The following AFF3 variants were observed in gnomAD, a reference collection of about 807,000 sequenced individuals.
AFF3 encodes AF4/FMR2 family member 3.
Under a neutral mutation model 129.7 loss-of-function variants are expected in AFF3, and 32 were observed. The ratio of observed to expected loss-of-function variants is 0.25; its 90% confidence interval spans 0.19 to 0.33. The LOEUF (loss-of-function observed/expected upper bound fraction) is 0.33, where lower values mean the gene tolerates loss of function less well. AFF3 is among the 10% of genes least tolerant of loss of function. The pLI is 1.00. For missense variants in AFF3, 1,373 were observed against 1,592.0 expected, an observed-to-expected ratio of 0.86 and a Z score of 2.34; for synonymous variants, 644 against 635.4, an observed-to-expected ratio of 1.01 and a Z score of -0.20.
At chr2:100,036,670 T>C (rs940024869) in intron 4 of AFF3, among the ~76,000 whole-genome samples, 1 of 151,314 alleles carries the variant, frequency 6.6e-6, no homozygotes, top group Non-Finnish European at 1.5e-5. Context: ...GAAAAAGATA[T>C]GTGACATATA....
chr2:99,555,964 C>T (rs1379557216), intron 22 of AFF3, among the ~76,000 whole-genome samples: 1 of 152,210 alleles, frequency 6.6e-6, no homozygotes, highest in Non-Finnish European at 1.5e-5. Context: ...GGGAGCTTAT[C>T]CTCCCTTTCT....
At chr2:99,802,655 T>A (rs1220203715) in intron 8 of AFF3, among the ~76,000 whole-genome samples, 1 of 150,942 alleles carries the variant, frequency 6.6e-6, no homozygotes, top group Non-Finnish European at 1.5e-5. Flanking sequence ...AAAGTGAGAC[T>A]CTGTCTCTAA....
intron 14 of AFF3, among the ~76,000 whole-genome samples, chr2:99,599,176 G>A (rs75563969): frequency 0.017 from 2,588 of 152,296 alleles, 76 homozygotes; most frequent in African/African-American, 0.058. Flanking sequence ...TCATCACCCA[G>A]GAGTTCAAGT....
intron 4 of AFF3, among the ~76,000 whole-genome samples, chr2:100,042,232 G>T (rs947431793): frequency 6.6e-6 from 1 of 152,154 alleles, no homozygotes; most frequent in Non-Finnish European, 1.5e-5. Context: ...TTAACTCTCC[G>T]ATCTCAGGTC....
chr2:100,109,959 A>G (rs1288633893), intron 2 of AFF3: 1 of 152,194 alleles, frequency 6.6e-6, no homozygotes, highest in Non-Finnish European at 1.5e-5. Context: ...TGAAAGTAAT[A>G]CAGTCCCAGT....
At chr2:100,138,816 G>A (rs527261608) in intron 1 of AFF3, among the ~76,000 whole-genome samples, 8 of 151,488 alleles carry the variant, frequency 5.3e-5, no homozygotes, top group Non-Finnish European at 1.0e-4. Context: ...GTGACGGTGG[G>A]CGCCTGTAAT....
intron 7 of AFF3, among the ~76,000 whole-genome samples, chr2:99,841,017 A>G (rs1689281243): frequency 6.6e-6 from 1 of 152,200 alleles, no homozygotes; most frequent in Non-Finnish European, 1.5e-5. Flanking sequence ...TCTGTTTTCT[A>G]CCACAAAACA....
intron 7 of AFF3, among the ~76,000 whole-genome samples, chr2:99,957,183 G>A (rs1296385370): frequency 5.7e-5 from 6 of 105,370 alleles, no homozygotes; most frequent in African/African-American, 1.4e-4. Flanking sequence ...GTGTGTGTGC[G>A]TGTGTGTGTG....
chr2:99,814,853 C>CT (rs34474594), intron 8 of AFF3, among the ~76,000 whole-genome samples: 86,708 of 143,526 alleles, frequency 0.6, 27,532 homozygotes, highest in South Asian at 0.78. Flanking sequence ...TTTAATTATA[C>CT]TTTTTTTTTT....
intron 8 of AFF3, among the ~76,000 whole-genome samples, chr2:99,771,947 GTATTGGAAACCATAAA>G (rs1683522113): frequency 1.3e-5 from 2 of 152,160 alleles, no homozygotes; most frequent in Non-Finnish European, 2.9e-5. Context: ...AGAAGTTACT[GTATTGGAAACCATAAA>G]TATGTCATTT....
At chr2:99,783,778 G>C (rs1684578999) in intron 8 of AFF3, among the ~76,000 whole-genome samples, 1 of 152,182 alleles carries the variant, frequency 6.6e-6, no homozygotes, top group Non-Finnish European at 1.5e-5. Flanking sequence ...TATATATCCA[G>C]CCACTTTTCT....
intron 7 of AFF3, among the ~76,000 whole-genome samples, chr2:99,995,085 G>C (rs972392976): frequency 1.3e-5 from 2 of 151,986 alleles, no homozygotes; most frequent in African/African-American, 4.8e-5. Flanking sequence ...AGAAAGGAAG[G>C]GGCACTTTGG....
intron 4 of AFF3, among the ~76,000 whole-genome samples, chr2:100,042,083 C>A (rs1685478847): frequency 6.6e-6 from 1 of 152,176 alleles, no homozygotes; most frequent in African/African-American, 2.4e-5. Flanking sequence ...CCCGGCCCGG[C>A]CCCACCATCA....
intron 18 of AFF3, 80 bp from the exon 19 acceptor site, chr2:99,568,995 A>T (rs1676239801): frequency 2.2e-6 from 3 of 1,358,986 alleles, no homozygotes; most frequent in African/African-American, 2.9e-5. Flanking sequence ...TTTCACTCAA[A>T]CTTAAGGCAC....
At chr2:99,965,635 T>C (rs968710819) in intron 7 of AFF3, among the ~76,000 whole-genome samples, 5 of 152,342 alleles carry the variant, frequency 3.3e-5, no homozygotes, top group South Asian at 2.1e-4. Context: ...AATGAATAAA[T>C]TGACATTCTG....
intron 10 of AFF3, 50 bp from the exon 11 acceptor site, chr2:99,727,178 T>C (rs1679431975): frequency 1.3e-6 from 2 of 1,491,058 alleles, no homozygotes; most frequent in African/African-American, 1.4e-5. Context: ...TTACAGTCTT[T>C]AAGATTTAAG....
At chr2:99,813,083 C>T (rs534898250) in intron 8 of AFF3, among the ~76,000 whole-genome samples, 21 of 152,120 alleles carry the variant, frequency 1.4e-4, no homozygotes, top group African/African-American at 3.6e-4. Context: ...TACAAGTCTG[C>T]GCTTCCCTTC....
In AFF3 at chr2:99,824,812, C is replaced by A. The variant is rs563476655; in HGVS notation, c.921+12665G>T. Reference sequence around the variant, plus strand: ...CTCTAGAGTGTGGAGGTGCTGCACACGGCACTTTTCTAGAATTTCTGAGGT... The same window carrying A: ...CTCTAGAGTGTGGAGGTGCTGCACAAGGCACTTTTCTAGAATTTCTGAGGT... On this transcript the variant is annotated intron_variant, in intron 8 of 24. Coordinates refer to ENST00000672756, the MANE Select transcript of AFF3 (RefSeq NM_001386135.1). 7.9e-5 allele frequency among the ~76,000 whole-genome samples: 12 copies of A among 152,220 alleles called. No homozygotes were observed. The South Asian group carries it at 2.5e-3, about 32-fold the overall frequency.
chr2:100,087,232 A>T (rs1689515676), intron 4 of AFF3, among the ~76,000 whole-genome samples: 1 of 152,196 alleles, frequency 6.6e-6, no homozygotes, highest in South Asian at 2.1e-4. Context: ...TTGGCCCTGA[A>T]GGTATTTGAA....
Sources: allele counts gnomAD v4.1 joint callset (sites outside exome capture counted in the v4.1 genomes callset), GRCh38; gene constraint gnomAD v4.1.1; transcripts MANE v1.5; gene names NCBI Gene and HGNC (gene_info 2026-07-23, HGNC 2026-07-21).